Variants in DOCK9 observed in about 807,000 individuals in gnomAD.
DOCK9 encodes the protein dedicator of cytokinesis 9.
Under a neutral mutation model 263.3 loss-of-function variants are expected in DOCK9, and 89 were observed. That is an observed-to-expected ratio of 0.34 (90% CI 0.28 to 0.40). The LOEUF (loss-of-function observed/expected upper bound fraction) is 0.40, where lower values mean the gene tolerates loss of function less well. DOCK9 is among the 10% of genes least tolerant of loss of function. DOCK9 has a pLI of 1.00. For synonymous variants in DOCK9, 976 were observed against 973.1 expected (o/e 1.00, Z -0.06); for missense variants, 2,140 against 2,603.4 (o/e 0.82, Z 3.87).
rs71114578 is a variant in DOCK9, at chr13:99,071,306, C to CTTTTTTTTTTTTTTTT, written c.129+14901_129+14916dup. Among the ~76,000 whole-genome samples the CTTTTTTTTTTTTTTTT allele has an allele frequency of 1.3e-3, 63 of 49,328 alleles. 9 individuals are homozygous for CTTTTTTTTTTTTTTTT. Among genetic ancestry groups the CTTTTTTTTTTTTTTTT allele is most frequent in the East Asian group, 2.7e-3 (4 of 1,488 alleles). The allele number at this position is 49,328 out of a possible 152,430, so 32.4% of individuals were successfully genotyped here. On this transcript the variant is annotated intron_variant, in intron 1 of 32. Coordinates refer to the DOCK9 transcript ENST00000427887. ...TACAGGTGCTTGCCACCATGCCTGG[C>CTTTTTTTTTTTTTTTT]TTTTTTTTTTTTTTTTTTTTTTTTT...
At chr13:98,796,882 G>A (rs1566495915) in intron 52 of DOCK9, among the ~76,000 whole-genome samples, 1 of 152,090 alleles carries the variant, frequency 6.6e-6, no homozygotes, top group Non-Finnish European at 1.5e-5. Flanking sequence ...ACCTCTTAGA[G>A]CCACGAGGAG....
At chr13:98,848,460 G>C (rs565002004) in intron 37 of DOCK9, 132 bp downstream of exon 37, 1 of 873,092 alleles carries the variant, frequency 1.1e-6, no homozygotes, top group Non-Finnish European at 1.8e-6. Flanking sequence ...GGCAATCCAA[G>C]GGCCTGCCAT....
At chr13:98,982,520 CG>C (rs1447186639), upstream of DOCK9, among the ~76,000 whole-genome samples, 1 of 152,088 alleles carries the variant, frequency 6.6e-6, no homozygotes, top group African/African-American at 2.4e-5. Flanking sequence ...AAGTTTGCCC[CG>C]GTAGAAGAAC....
chr13:98,950,470 T>C (rs2057280159), intron 2 of DOCK9: 1 of 546,860 alleles, frequency 1.8e-6, no homozygotes, highest in Middle Eastern at 5.0e-4. Context: ...TAATATTTTT[T>C]AAATTTATTT....
At chr13:98,915,627 T>C in intron 7 of DOCK9, 124 bp from the exon 8 acceptor site, 1 of 911,692 alleles carries the variant, frequency 1.1e-6, no homozygotes, top group Admixed American at 3.2e-5. Context: ...TTTAAATAGC[T>C]TGCCCCCTCC....
In DOCK9 at chr13:98,805,158, C is replaced by T. The variant is rs1428895660; in HGVS notation, c.5566G>A (p.Val1856Ile). Residue 1856 changes from valine (V) to isoleucine (I), a missense_variant, in exon 49 of 53, where the codon GTC becomes ATC. Val to Ile is a conservative substitution (Grantham distance 29). Transcript: ENST00000682017. ...SKYAYIQVTH[V>I]IPFFDEKELQ... ...TCTTTTTCGTCAAAGAAGGGGATGACGTGAGTCACCTGGATGTATGCATAC... is the reference window on the plus strand; with the variant it reads ...TCTTTTTCGTCAAAGAAGGGGATGATGTGAGTCACCTGGATGTATGCATAC... 1.2e-6 allele frequency: 2 copies of T among 1,607,754 alleles called. No individual in the cohort carries two copies. Among genetic ancestry groups the T allele is most frequent in the Admixed American group, 1.7e-5 (1 of 59,340 alleles).
chr13:98,890,456 T>C (rs1211757373), intron 15 of DOCK9, among the ~76,000 whole-genome samples: 1 of 152,200 alleles, frequency 6.6e-6, no homozygotes, highest in East Asian at 1.9e-4. Context: ...TACACAAGCT[T>C]AGCGGCGCAG....
chr13:99,086,186 G>A, intron 1 of DOCK9: 2 of 1,463,702 alleles, frequency 1.4e-6, no homozygotes, highest in Non-Finnish European at 1.8e-6. Flanking sequence ...CTGCGCCCCC[G>A]CCATCCTCCC....
At chr13:98,901,409 A>G (rs917118217) in intron 13 of DOCK9, among the ~76,000 whole-genome samples, 2 of 152,194 alleles carry the variant, frequency 1.3e-5, no homozygotes, top group African/African-American at 2.4e-5. Context: ...AGCCTCATAT[A>G]TAAGTGTAAG....
rs924975765 is a variant in DOCK9 at position 98,809,302 on chromosome 13, T to G, written c.5367+50A>C. The G allele has an allele frequency of 2.8e-6, 4 of 1,450,236 alleles. No homozygotes were observed. The Admixed American group carries it at 6.4e-5, about 23-fold the overall frequency. The allele number at this position is 1,450,236 out of a possible 1,614,324, so 89.8% of individuals were successfully genotyped here. On this transcript the variant is annotated intron_variant, in intron 47 of 52. Transcript: ENST00000682017. The stretch of plus-strand genomic sequence containing the variant: ...AGTTTTTTTTTTGTTTTTGTTTTTG[T>G]TTTTTTTTAAAGGACTTAGGACAGT...
intron 1 of DOCK9, among the ~76,000 whole-genome samples, chr13:99,057,535 T>C (rs1317904500): frequency 6.6e-6 from 1 of 152,242 alleles, no homozygotes. Flanking sequence ...GATTTCCACA[T>C]CTTGCTGTTG....
At chr13:99,039,978 A>G (rs1312339522) in intron 1 of DOCK9, among the ~76,000 whole-genome samples, 1 of 152,182 alleles carries the variant, frequency 6.6e-6, no homozygotes, top group East Asian at 1.9e-4. Flanking sequence ...ATATTAACTA[A>G]TGTGAGCTAT....
chr13:98,888,948 T>A (rs747863205), intron 15 of DOCK9, among the ~76,000 whole-genome samples: 2 of 152,224 alleles, frequency 1.3e-5, no homozygotes, highest in African/African-American at 4.8e-5. Context: ...ATAAAAAATG[T>A]GTACTCTAAG....
At chr13:98,965,602 C>T (rs570034313) in intron 1 of DOCK9, among the ~76,000 whole-genome samples, 8 of 152,236 alleles carry the variant, frequency 5.3e-5, no homozygotes, top group South Asian at 2.1e-4. Flanking sequence ...TGTCTCAGCC[C>T]GTACTAAAAC....
At chr13:99,081,980 T>C (rs1345931575) in intron 1 of DOCK9, among the ~76,000 whole-genome samples, 1 of 152,164 alleles carries the variant, frequency 6.6e-6, no homozygotes, top group African/African-American at 2.4e-5. Flanking sequence ...CTCGCACCTG[T>C]AATCCCAGGA....
intron 1 of DOCK9, among the ~76,000 whole-genome samples, chr13:99,075,132 T>C (rs1254954949): frequency 6.6e-6 from 1 of 152,194 alleles, no homozygotes; most frequent in African/African-American, 2.4e-5. Flanking sequence ...TTGTGTATCA[T>C]TTACAGTAGT....
intron 7 of DOCK9, among the ~76,000 whole-genome samples, chr13:98,918,559 G>A (rs1595304701): frequency 1.3e-5 from 2 of 152,142 alleles, no homozygotes; most frequent in South Asian, 4.2e-4. Context: ...AAAGAACAGG[G>A]ATTTCGAATA....
At chr13:98,952,200 C>G (rs375641884) in intron 2 of DOCK9, among the ~76,000 whole-genome samples, 1 of 150,406 alleles carries the variant, frequency 6.6e-6, no homozygotes, top group Non-Finnish European at 1.5e-5. Context: ...GCCCAGCCTA[C>G]TTCATCAATA....
chr13:98,960,251 C>G (rs2058489741), intron 1 of DOCK9, among the ~76,000 whole-genome samples: 1 of 152,182 alleles, frequency 6.6e-6, no homozygotes, highest in South Asian at 2.1e-4. Flanking sequence ...GTTGGTGGAG[C>G]TGCTCCGGGG....
Sources: allele counts gnomAD v4.1 joint callset (sites outside exome capture counted in the v4.1 genomes callset), GRCh38; gene constraint gnomAD v4.1.1; transcripts MANE v1.5; gene names NCBI Gene and HGNC (gene_info 2026-07-23, HGNC 2026-07-21).